Variants in ZDHHC14 observed in about 807,000 individuals in gnomAD.
ZDHHC14 encodes palmitoyltransferase ZDHHC14.
Under a neutral mutation model 47.7 loss-of-function variants are expected in ZDHHC14, and 16 were observed. The observed-to-expected ratio is 0.34, with a 90% confidence interval of 0.23 to 0.51. The LOEUF is 0.51. Among genes scored for constraint, ZDHHC14 ranks in the 20% least tolerant of loss-of-function variants. The pLI is 0.97. For synonymous variants in ZDHHC14, 293 were observed against 278.9 expected, an observed-to-expected ratio of 1.05 and a Z score of -0.50; for missense variants, 515 against 662.5, an observed-to-expected ratio of 0.78 and a Z score of 2.44.
At chr6:157,501,896 C>A (rs1017172659) in intron 1 of ZDHHC14, among the ~76,000 whole-genome samples, 2 of 152,156 alleles carry the variant, frequency 1.3e-5, no homozygotes, top group African/African-American at 4.8e-5. Flanking sequence ...AATATTTCAG[C>A]TTCTTCAGGA....
At chr6:157,433,696 G>A (rs1245778897) in intron 1 of ZDHHC14, among the ~76,000 whole-genome samples, 4 of 152,248 alleles carry the variant, frequency 2.6e-5, no homozygotes, top group African/African-American at 7.2e-5. Context: ...AGGACCGAGT[G>A]TGTGTGCTCA....
intron 2 of ZDHHC14, among the ~76,000 whole-genome samples, chr6:157,552,036 G>A (rs1266128098): frequency 6.6e-6 from 1 of 152,104 alleles, no homozygotes; most frequent in Admixed American, 6.6e-5. Flanking sequence ...AAATACTTTA[G>A]AGGATTATTT....
At chr6:157,402,333 T>A (rs1777660742) in intron 1 of ZDHHC14, among the ~76,000 whole-genome samples, 1 of 148,296 alleles carries the variant, frequency 6.7e-6, no homozygotes, top group East Asian at 2.0e-4. Flanking sequence ...GCAGTTGCAG[T>A]AGTGAGATGC....
At chr6:157,452,941 A>G (rs890975691) in intron 1 of ZDHHC14, among the ~76,000 whole-genome samples, 1 of 152,000 alleles carries the variant, frequency 6.6e-6, no homozygotes, top group Non-Finnish European at 1.5e-5. Context: ...CTAATCTCAA[A>G]TGATCCACCC....
intron 1 of ZDHHC14, among the ~76,000 whole-genome samples, chr6:157,541,224 A>G (rs9456448): frequency 0.4 from 60,252 of 151,932 alleles, 12,106 homozygotes; most frequent in Admixed American, 0.45. Context: ...GCACAGCCAC[A>G]GTCCACATTG....
At chr6:157,489,179 C>T (rs1207083208) in intron 1 of ZDHHC14, among the ~76,000 whole-genome samples, 1 of 152,220 alleles carries the variant, frequency 6.6e-6, no homozygotes, top group Non-Finnish European at 1.5e-5. Context: ...TCAGCTTGCT[C>T]ATTTGAGTTT....
intron 1 of ZDHHC14, among the ~76,000 whole-genome samples, chr6:157,536,457 T>C (rs992757984): frequency 1.3e-5 from 2 of 152,230 alleles, no homozygotes; most frequent in Admixed American, 6.5e-5. Flanking sequence ...TACTTCTTGT[T>C]CCAAAGGGCA....
In ZDHHC14 at chr6:157,673,835, T is replaced by A. The variant is rs1027486834; in HGVS notation, c.*713T>A. ...CTTCACCTTCTGTTTGGCCGCTCGA[T>A]GAGGTCTCGTGTTGAGATATTGTGT... On this transcript the variant is annotated 3_prime_UTR_variant, in exon 9 of 9. Transcript: ENST00000359775. This position sits in a 1 kb window ranked among gnomAD's most constrained non-coding sequence, Gnocchi z 5.4. 1.3e-5 allele frequency: 2 copies of A among 152,634 alleles called. No homozygotes were observed. The highest frequency in any genetic ancestry group is 4.8e-5 in the African/African-American group (2 of 41,438). The allele number at this position is 152,634 out of a possible 1,614,324, so 9.5% of individuals were successfully genotyped here.
At chr6:157,618,505 A>G (rs764385255) in intron 3 of ZDHHC14, among the ~76,000 whole-genome samples, 1 of 152,144 alleles carries the variant, frequency 6.6e-6, no homozygotes, top group Non-Finnish European at 1.5e-5. Flanking sequence ...TATTTTTAAT[A>G]CAGACGGGGT....
At chr6:157,591,350 G>C (rs1358423320) in intron 2 of ZDHHC14, among the ~76,000 whole-genome samples, 2 of 152,132 alleles carry the variant, frequency 1.3e-5, no homozygotes, top group Non-Finnish European at 2.9e-5. Flanking sequence ...GTCATGGGAG[G>C]GACCCAGTGG....
rs1778928525 is a variant in ZDHHC14 at position 157,674,159 on chromosome 6, G to A, written c.*1037G>A. ...TATCTCTTTTTGACACCATCTTAGT[G>A]GAATTTGCTCTACGTTTGCAGTTTG... On this transcript the variant is annotated 3_prime_UTR_variant, in exon 9 of 9. Transcript: ENST00000359775. The A allele has an allele frequency of 6.6e-6, 1 of 152,138 alleles. No homozygotes were observed. Among genetic ancestry groups the A allele is most frequent in the Non-Finnish European group, 1.5e-5 (1 of 68,028 alleles). The allele number at this position is 152,138 out of a possible 1,614,324, so 9.4% of individuals were successfully genotyped here. A position where few individuals can be genotyped will look rare whatever the true frequency, so the allele number is the denominator to read the frequency against.
At chr6:157,470,995 G>A (rs1047922648) in intron 1 of ZDHHC14, among the ~76,000 whole-genome samples, 1 of 152,148 alleles carries the variant, frequency 6.6e-6, no homozygotes, top group Non-Finnish European at 1.5e-5. Flanking sequence ...CCGGTCAGTC[G>A]TCTTCGGTAG....
chr6:157,560,578 G>A (rs756330273), intron 2 of ZDHHC14, among the ~76,000 whole-genome samples: 99 of 152,084 alleles, frequency 6.5e-4, no homozygotes, highest in Non-Finnish European at 9.7e-4. Flanking sequence ...TGATTGGACT[G>A]GCAAGTAATT....
At chr6:157,593,746 C>A (rs1784010064) in intron 3 of ZDHHC14, among the ~76,000 whole-genome samples, 1 of 152,248 alleles carries the variant, frequency 6.6e-6, no homozygotes, top group Non-Finnish European at 1.5e-5. Flanking sequence ...ACCACCGGCC[C>A]AGCATGGGCC....
chr6:157,548,045 C>A (rs9456459), intron 2 of ZDHHC14, among the ~76,000 whole-genome samples: 1 of 151,474 alleles, frequency 6.6e-6, no homozygotes, highest in Non-Finnish European at 1.5e-5. Context: ...TCATACACTG[C>A]GCAGTCGCTT....
intron 3 of ZDHHC14, among the ~76,000 whole-genome samples, chr6:157,595,863 C>T (rs1784107199): frequency 6.6e-6 from 1 of 152,222 alleles, no homozygotes. Context: ...TATCCACAAC[C>T]GAACATGGTG....
chr6:157,409,996 TA>T (rs1426676973), intron 1 of ZDHHC14, among the ~76,000 whole-genome samples: 1 of 152,030 alleles, frequency 6.6e-6, no homozygotes, highest in Non-Finnish European at 1.5e-5. Context: ...CACGCCCGGC[TA>T]ATTTTTGTGT....
chr6:157,436,298 A>G (rs185950097), intron 1 of ZDHHC14, among the ~76,000 whole-genome samples: 30 of 152,344 alleles, frequency 2.0e-4, no homozygotes, highest in African/African-American at 3.8e-4. Flanking sequence ...GGAAGATTAA[A>G]TAACATAAGA....
intron 1 of ZDHHC14, among the ~76,000 whole-genome samples, chr6:157,435,073 A>G (rs371425627): frequency 2.0e-5 from 3 of 152,336 alleles, no homozygotes; most frequent in Admixed American, 6.5e-5. Flanking sequence ...CTCATAGAAA[A>G]TTGTTTTCAC....
Sources: allele counts gnomAD v4.1 joint callset (sites outside exome capture counted in the v4.1 genomes callset), GRCh38; gene constraint gnomAD v4.1.1; non-coding constraint Gnocchi (gnomAD v3.1); transcripts MANE v1.5; gene names NCBI Gene and HGNC (gene_info 2026-07-23, HGNC 2026-07-21).